ARHGAP42: variants seen among roughly 807,000 people sequenced by gnomAD.
ARHGAP42 encodes Rho GTPase activating protein 42, also known as rho GTPase-activating protein 42.
In ARHGAP42, 63 loss-of-function variants were observed where a neutral mutation model predicts 125.0. The ratio of observed to expected loss-of-function variants is 0.50; its 90% CI spans 0.41 to 0.62. The LOEUF (loss-of-function observed/expected upper bound fraction) is 0.62, where lower values mean the gene tolerates loss of function less well. Ranked by LOEUF, ARHGAP42 falls within the 20% of genes least tolerant of loss-of-function variation. The probability of loss-of-function intolerance (pLI) is 0.00; values close to 1 mark genes in which losing one functional copy is unlikely to be tolerated. For missense variants in ARHGAP42, 766 were observed against 1,024.2 expected, an observed-to-expected ratio of 0.75 and a Z score of 3.44; for synonymous variants, 339 against 351.0, an observed-to-expected ratio of 0.97 and a Z score of 0.38.
In ARHGAP42 at chr11:100,926,731, C is replaced by T. The variant is rs2135251815; in HGVS notation, c.597+5127C>T. Reference sequence around the variant, plus strand: ...ACAGGTAATGCACAAAGCTCTTGTACCTGGTACTTCATTAGCGTCAATAAG... The same window carrying T: ...ACAGGTAATGCACAAAGCTCTTGTATCTGGTACTTCATTAGCGTCAATAAG... On this transcript the variant is annotated intron_variant, in intron 6 of 23. Transcript: ENST00000298815. Among the ~76,000 whole-genome samples the T allele has an allele frequency of 1.3e-5, 2 of 152,312 alleles. 1 individual carries two copies.
At chr11:100,987,648 T>C (rs771393372) in intron 23 of ARHGAP42, 56 bp downstream of exon 23, 15 of 1,462,064 alleles carry the variant, frequency 1.0e-5, no homozygotes, top group South Asian at 1.2e-5. Context: ...GATGAAGGAA[T>C]AGTATGGTGG....
intron 1 of ARHGAP42, among the ~76,000 whole-genome samples, chr11:100,757,149 A>G (rs1214255366): frequency 6.6e-6 from 1 of 152,184 alleles, no homozygotes. Context: ...AATGGTAAAT[A>G]AGACATGAAA....
At position 100,859,747 on chromosome 11, in the gene ARHGAP42, A is replaced by G. The variant is rs532111368; in HGVS notation, c.384+122A>G. On this transcript the variant is annotated intron_variant, in intron 4 of 23. Coordinates refer to ENST00000298815, the MANE Select transcript of ARHGAP42 (RefSeq NM_152432.4). ...TAAAAGATTTTGTACATCATTTAAA[A>G]CTTTTTGCATAGAGACTTAACAAAG... 69 of 710,474 alleles carry G rather than the reference A, an allele frequency of 9.7e-5. No individual in the cohort carries two copies. The African/African-American group carries it at 1.2e-3, about 12-fold the overall frequency. 44.0% of individuals were successfully genotyped at this position (710,474 alleles called of 1,614,324 possible).
At chr11:100,911,855 C>T (rs1866928539) in intron 4 of ARHGAP42, among the ~76,000 whole-genome samples, 1 of 152,078 alleles carries the variant, frequency 6.6e-6, no homozygotes, top group Non-Finnish European at 1.5e-5. Flanking sequence ...TTGGTAGGAC[C>T]ACATTTTCTC....
chr11:100,776,892 A>G (rs949984743), intron 2 of ARHGAP42, among the ~76,000 whole-genome samples: 1 of 151,710 alleles, frequency 6.6e-6, no homozygotes, highest in African/African-American at 2.4e-5. Flanking sequence ...CTGAGGCAGG[A>G]GAACCACTTG....
chr11:100,830,305 G>A (rs1010376717), intron 3 of ARHGAP42, among the ~76,000 whole-genome samples: 4 of 152,174 alleles, frequency 2.6e-5, no homozygotes, highest in South Asian at 4.1e-4. Flanking sequence ...CAATTTCATA[G>A]TAGCAGTTTG....
intron 22 of ARHGAP42, 123 bp downstream of exon 22, chr11:100,979,172 A>G (rs1858468222): frequency 2.2e-6 from 2 of 890,296 alleles, no homozygotes; most frequent in Non-Finnish European, 3.6e-6. Context: ...ATTTAAGTCC[A>G]CTGGCCCTTC....
At chr11:100,816,963 A>G (rs932842672) in intron 3 of ARHGAP42, 2 of 152,236 alleles carry the variant, frequency 1.3e-5, no homozygotes, top group South Asian at 2.1e-4. Context: ...ATAAGCCTAT[A>G]AGAGAAATAA....
At chr11:100,917,583 G>GT (rs1348584776) in intron 5 of ARHGAP42, among the ~76,000 whole-genome samples, 1 of 151,906 alleles carries the variant, frequency 6.6e-6, no homozygotes, top group East Asian at 1.9e-4. Context: ...TTATTTATTT[G>GT]TTTTTTGAGA....
chr11:100,875,137 G>C (rs77559462), intron 4 of ARHGAP42, among the ~76,000 whole-genome samples: 8 of 121,826 alleles, frequency 6.6e-5, no homozygotes, highest in African/African-American at 2.5e-4. Flanking sequence ...GTGTGTGTGT[G>C]TGTGTGTGTG....
chr11:100,964,825 T>C (rs1339429321), intron 16 of ARHGAP42, among the ~76,000 whole-genome samples: 2 of 152,164 alleles, frequency 1.3e-5, no homozygotes, highest in African/African-American at 4.8e-5. Flanking sequence ...GAACAGCCCT[T>C]CTGTATTGTC....
At chr11:100,952,259 A>C (rs506242) in intron 12 of ARHGAP42, among the ~76,000 whole-genome samples, 134,138 of 152,062 alleles carry the variant, frequency 0.88, 59,259 homozygotes, top group East Asian at 1. Flanking sequence ...TTTAATTAGT[A>C]AAGTTTCCTT....
rs763740402 is a variant in ARHGAP42 at position 100,992,552 on chromosome 11, C to T, written c.*3751C>T. 44 of 1,614,070 alleles carry T rather than the reference C, an allele frequency of 2.7e-5. No homozygotes were observed. The highest frequency in any genetic ancestry group is 8.9e-5 in the East Asian group (4 of 44,872). On this transcript the variant is annotated 3_prime_UTR_variant, in exon 24 of 24. Coordinates refer to ENST00000298815, the MANE Select transcript of ARHGAP42 (RefSeq NM_152432.4). ...GTGTCCTGCCTGTCTCCTGTTGATT[C>T]GCAGATGTAATATCGAGTATTCATC...
rs751507603 is a variant in ARHGAP42 at position 100,845,936 on chromosome 11, C to T, written c.313-13618C>T. ...AAGGCCTCATCCAGTGATAAGACAG[C>T]AGGCCATTGCTTATTTATTTCTAAT... On this transcript the variant is annotated intron_variant, in intron 3 of 23. Coordinates refer to ENST00000298815, the MANE Select transcript of ARHGAP42 (RefSeq NM_152432.4). Among the ~76,000 whole-genome samples, 3 of 152,160 alleles carry T rather than the reference C, an allele frequency of 2.0e-5. No individual in the cohort carries two copies. In the South Asian group the frequency reaches 6.2e-4, roughly 31 times the overall value.
chr11:100,847,692 GA>G (rs1865103272), intron 3 of ARHGAP42, among the ~76,000 whole-genome samples: 1 of 152,144 alleles, frequency 6.6e-6, no homozygotes, highest in African/African-American at 2.4e-5. Context: ...ACTGGGCACA[GA>G]AGATGAAGGA....
At chr11:100,792,384 A>C (rs981521801) in intron 2 of ARHGAP42, among the ~76,000 whole-genome samples, 2 of 152,100 alleles carry the variant, frequency 1.3e-5, no homozygotes, top group Non-Finnish European at 2.9e-5. Context: ...AAAACTAGCA[A>C]TCTCCTATCT....
chr11:100,898,276 C>T (rs182654747), intron 4 of ARHGAP42, among the ~76,000 whole-genome samples: 133 of 152,272 alleles, frequency 8.7e-4, no homozygotes, highest in African/African-American at 2.9e-3. Flanking sequence ...CGTCGATGTT[C>T]ATCAGGGACA....
intron 1 of ARHGAP42, among the ~76,000 whole-genome samples, chr11:100,766,382 G>T (rs1349427040): frequency 6.6e-6 from 1 of 152,078 alleles, no homozygotes; most frequent in African/African-American, 2.4e-5. Flanking sequence ...ATATTTAAGA[G>T]AAAAAGTTGA....
At chr11:100,764,872 C>T (rs1463327868) in intron 1 of ARHGAP42, among the ~76,000 whole-genome samples, 1 of 152,120 alleles carries the variant, frequency 6.6e-6, no homozygotes, top group Middle Eastern at 3.4e-3. Flanking sequence ...GTTAGGTTTA[C>T]AAATCAGTGA....
Sources: gnomAD v4.1 joint callset for allele counts (sites outside exome capture counted in the v4.1 genomes callset) on GRCh38, gnomAD v4.1.1 for gene constraint, MANE v1.5 for transcripts, NCBI Gene and HGNC (gene_info 2026-07-23, HGNC 2026-07-21) for gene names.